MTFR1L: variants seen among roughly 807,000 people sequenced by gnomAD.
The protein encoded by MTFR1L is mitochondrial fission regulator 1-like.
MTFR1L carries 10 observed loss-of-function variants against 27.9 expected under a neutral mutation model. That is an observed-to-expected ratio of 0.36 (90% confidence interval 0.22 to 0.61). The LOEUF is 0.61. Ranked by LOEUF, MTFR1L falls within the 20% of genes least tolerant of loss-of-function variation. The pLI is 0.73. For missense variants in MTFR1L, 315 were observed against 363.7 expected (o/e 0.87, Z 1.09); for synonymous variants, 151 against 139.4 (o/e 1.08, Z -0.58).
rs1197340705 is a variant in MTFR1L, at chr1:25,826,574, C to T, written c.240-41C>T. 1.9e-6 allele frequency: 3 copies of T among 1,611,246 alleles called. No homozygotes were observed. The highest frequency in any genetic ancestry group is 1.3e-5 in the African/African-American group (1 of 74,988). ...GAAGGAACCTTAGGAGCACAGTGGCCTGCTGTCTCTAACTGATCTACTTGG... is the reference window on the plus strand; with the variant it reads ...GAAGGAACCTTAGGAGCACAGTGGCTTGCTGTCTCTAACTGATCTACTTGG... On this transcript the variant is annotated intron_variant, in intron 4 of 6. Transcript: ENST00000374303. The surrounding 1 kb of genome is among the most constrained non-coding windows in gnomAD (Gnocchi z 4.1).
rs115285222 is a variant in MTFR1L at position 25,820,842 on chromosome 1, C to T, written c.-87+813C>T. ...CGCGGGGATCACAGTTATCTAGTTC[C>T]TCTCGCGAGGACTCCGAGGGACAGG... On this transcript the variant is annotated intron_variant, in intron 1 of 6. Transcript: ENST00000374303. 5.4e-3 allele frequency: 2,094 copies of T among 387,150 alleles called. 51 individuals are homozygous for T. Among genetic ancestry groups the T allele is most frequent in the African/African-American group, 0.044 (1,951 of 44,670 alleles). 24.0% of individuals were successfully genotyped at this position (387,150 alleles called of 1,614,324 possible). A position where few individuals can be genotyped will look rare whatever the true frequency, so the allele number is the denominator to read the frequency against.
In MTFR1L at chr1:25,832,887, G is replaced by GTGTT. The variant is rs912408702; in HGVS notation, c.*864_*867dup. ...TTTCTCTATGGTATGTATACTGCTTGTGTTTGGGTTGAAGCACTACCTGAC... is the reference window on the plus strand; with the variant it reads ...TTTCTCTATGGTATGTATACTGCTTGTGTTTGTTTGGGTTGAAGCACTACCTGAC... On this transcript the variant is annotated 3_prime_UTR_variant, in exon 7 of 7. Transcript: ENST00000374303. 3.9e-5 allele frequency: 6 copies of GTGTT among 152,542 alleles called. No homozygotes were observed. Among genetic ancestry groups the GTGTT allele is most frequent in the African/African-American group, 7.2e-5 (3 of 41,388 alleles). The allele number at this position is 152,542 out of a possible 1,614,324, so 9.4% of individuals were successfully genotyped here.
chr1:25,823,775 T>A (rs200970368), intron 3 of MTFR1L, 27 bp downstream of exon 3: 1 of 1,611,268 alleles, frequency 6.2e-7, no homozygotes. Flanking sequence ...GGCAGGAGAG[T>A]AGAGGCTCAG....
chr1:25,820,299 C>T, intron 1 of MTFR1L: 1 of 455,966 alleles, frequency 2.2e-6, no homozygotes, highest in Non-Finnish European at 4.4e-6. Flanking sequence ...CGGGCTGCCC[C>T]GCCGCGCATT....
intron 5 of MTFR1L, among the ~76,000 whole-genome samples, chr1:25,829,181 T>C (rs115047014): frequency 0.012 from 1,883 of 152,308 alleles, 41 homozygotes; most frequent in African/African-American, 0.043. Context: ...TTAGCTCTTA[T>C]CTCTGCTGCT....
rs753231852 is a variant in MTFR1L at position 25,823,741 on chromosome 1, C to G, written c.122C>G (p.Ser41Cys). ...NLPLKPCARA[S>C]FETLPNISDL... ...CCCTTGAAGCCGTGTGCCCGGGCGT[C>G]CTTTGAGGTGAGTATGTTGGAAGGG... Residue 41 changes from serine (S) to cysteine (C), a missense_variant, in exon 3 of 7, where the codon TCC becomes TGC. Ser to Cys is a moderately radical substitution (Grantham distance 112). Transcript: ENST00000374303. 1 of 1,613,864 alleles carries G rather than the reference C, an allele frequency of 6.2e-7. No homozygotes were observed.
In MTFR1L at chr1:25,829,525, G is replaced by T; in HGVS notation, c.468G>T (p.Thr156=). The T allele has an allele frequency of 1.2e-6, 2 of 1,613,276 alleles. No homozygotes were observed. The highest frequency in any genetic ancestry group is 1.7e-6 in the Non-Finnish European group (2 of 1,179,486). ...VAADAASASL[T]PDFLSPGSSN... Reference sequence around the variant, plus strand: ...CTCTTTCAGCTTCGGCTTCATTAACGCCAGATTTCTTATCTCCAGGAAGTT... The same window carrying T: ...CTCTTTCAGCTTCGGCTTCATTAACTCCAGATTTCTTATCTCCAGGAAGTT... Residue 156 remains threonine, a synonymous_variant, in exon 6 of 7, where the codon ACG becomes ACT. Transcript: ENST00000374303.
intron 1 of MTFR1L, chr1:25,822,522 CTTTTT>C (rs138804319): frequency 0.7 from 76,271 of 108,888 alleles, 25,828 homozygotes; most frequent in East Asian, 0.89. Context: ...CTAGGCAAAT[CTTTTT>C]TTTTTTTTTT....
intron 3 of MTFR1L, among the ~76,000 whole-genome samples, chr1:25,825,155 G>C (rs1414649933): frequency 6.6e-6 from 1 of 152,086 alleles, no homozygotes; most frequent in African/African-American, 2.4e-5. Context: ...GTGAGTCCCA[G>C]GTTTCCTATC....
Position 25,832,597 on chromosome 1 carries a change from C to A in MTFR1L, c.*571C>A, listed in dbSNP as rs2048260836. 1 of 175,320 alleles carries A rather than the reference C, an allele frequency of 5.7e-6. No individual in the cohort carries two copies. Among genetic ancestry groups the A allele is most frequent in the Non-Finnish European group, 1.3e-5 (1 of 79,718 alleles). 10.9% of individuals were successfully genotyped at this position (175,320 alleles called of 1,614,324 possible). On this transcript the variant is annotated 3_prime_UTR_variant, in exon 7 of 7. Transcript: ENST00000374303. ...GCTGCTGAACCAGCCAACACATGGGCTACTGCTGGGAAGCCTGGGCTGTTT... is the reference window on the plus strand; with the variant it reads ...GCTGCTGAACCAGCCAACACATGGGATACTGCTGGGAAGCCTGGGCTGTTT...
intron 5 of MTFR1L, among the ~76,000 whole-genome samples, chr1:25,828,526 C>T (rs765862366): frequency 6.6e-6 from 1 of 151,768 alleles, no homozygotes; most frequent in African/African-American, 2.4e-5. Context: ...CACCACTGCA[C>T]TCCAGCATGG....
At chr1:25,831,846 C>T (rs1961580) in intron 6 of MTFR1L, 75 bp from the exon 7 acceptor site, 959,432 of 1,190,004 alleles carry the variant, frequency 0.81, 388,313 homozygotes, top group East Asian at 0.97. Flanking sequence ...GAGGATTCAA[C>T]GAGATAATGT....
rs534363644 is a variant in MTFR1L, at chr1:25,826,963, C to A, written c.451+137C>A. 63 of 960,760 alleles carry A rather than the reference C, an allele frequency of 6.6e-5. No homozygotes were observed. The highest frequency in any genetic ancestry group is 1.5e-4 in the South Asian group (9 of 59,452). 59.5% of individuals were successfully genotyped at this position (960,760 alleles called of 1,614,324 possible). On this transcript the variant is annotated intron_variant, in intron 5 of 6. Coordinates refer to ENST00000374303, the MANE Select transcript of MTFR1L (RefSeq NM_001099625.2). This position sits in a 1 kb window ranked among gnomAD's most constrained non-coding sequence, Gnocchi z 4.1. ...TCCGGGCCCTGGGGTTGTCCTGAAGCCTGGCTAGCCAGTAGTGCCTCTTAG... is the reference window on the plus strand; with the variant it reads ...TCCGGGCCCTGGGGTTGTCCTGAAGACTGGCTAGCCAGTAGTGCCTCTTAG...
chr1:25,823,737 G>A lies in MTFR1L; in HGVS notation c.118G>A (p.Ala40Thr). Residue 40 changes from alanine (A) to threonine (T), a missense_variant, in exon 3 of 7, where the codon GCG (alanine) becomes ACG (threonine). Ala to Thr is a moderately conservative substitution (Grantham distance 58). Transcript: ENST00000374303. ...CCTACCCTTGAAGCCGTGTGCCCGG[G>A]CGTCCTTTGAGGTGAGTATGTTGGA... ...TNLPLKPCAR[A>T]SFETLPNISD... 6.2e-7 allele frequency: 1 copy of A among 1,613,978 alleles called. No homozygotes were observed.
At chr1:25,823,470 G>A (rs1332870260) in intron 2 of MTFR1L, 174 bp from the exon 3 acceptor site, 16 of 1,047,978 alleles carry the variant, frequency 1.5e-5, no homozygotes, top group Non-Finnish European at 2.1e-5. Flanking sequence ...CCAGGGTGTA[G>A]GCTGGCAACT....
intron 1 of MTFR1L, chr1:25,820,261 C>G: frequency 2.2e-6 from 1 of 455,906 alleles, no homozygotes; most frequent in South Asian, 1.5e-5. Flanking sequence ...CCTCAGGCTT[C>G]TAGTTTCGGC....
At chr1:25,830,394 C>T (rs143404138) in intron 6 of MTFR1L, among the ~76,000 whole-genome samples, 1 of 152,330 alleles carries the variant, frequency 6.6e-6, no homozygotes, top group African/African-American at 2.4e-5. Flanking sequence ...TAAAAATACA[C>T]CTTTAACTTA....
chr1:25,830,333 C>T (rs1021207472), intron 6 of MTFR1L, among the ~76,000 whole-genome samples: 2 of 152,204 alleles, frequency 1.3e-5, no homozygotes, highest in Admixed American at 1.3e-4. Flanking sequence ...GCTTTTGAGA[C>T]TCACCAGTAG....
Position 25,832,044 on chromosome 1 carries a change from A to G in MTFR1L, c.*18A>G. On this transcript the variant is annotated 3_prime_UTR_variant, in exon 7 of 7. Coordinates refer to ENST00000374303, the MANE Select transcript of MTFR1L (RefSeq NM_001099625.2). Reference sequence around the variant, plus strand: ...GAAATTGACAACCCTCAGCTCTGCAAACTCAGTCTCATGCTCCTGGAATAC... The same window carrying G: ...GAAATTGACAACCCTCAGCTCTGCAGACTCAGTCTCATGCTCCTGGAATAC... The G allele has an allele frequency of 1.2e-6, 2 of 1,614,114 alleles. No individual in the cohort carries two copies. The highest frequency in any genetic ancestry group is 1.7e-6 in the Non-Finnish European group (2 of 1,179,984).
Sources: allele counts gnomAD v4.1 joint callset (sites outside exome capture counted in the v4.1 genomes callset), GRCh38; gene constraint gnomAD v4.1.1; non-coding constraint Gnocchi (gnomAD v3.1); transcripts MANE v1.5; gene names NCBI Gene and HGNC (gene_info 2026-07-23, HGNC 2026-07-21).